CGGBP1: variants seen among roughly 807,000 people sequenced by gnomAD.
CGGBP1 encodes CGG triplet repeat-binding protein 1.
CGGBP1 carries 4 observed loss-of-function variants against 11.4 expected under a neutral mutation model. That is an observed-to-expected ratio of 0.35 (90% CI 0.17 to 0.80). CGGBP1 has a LOEUF of 0.80. Among genes scored for constraint, CGGBP1 ranks in the 30% least tolerant of loss-of-function variants. The pLI is 0.52. For missense variants in CGGBP1, 135 were observed against 202.1 expected, an observed-to-expected ratio of 0.67 and a Z score of 2.01; for synonymous variants, 76 against 74.1, an observed-to-expected ratio of 1.03 and a Z score of -0.13.
At chr3:88,100,228 A>C (rs974477367) in intron 2 of CGGBP1, among the ~76,000 whole-genome samples, 1 of 152,258 alleles carries the variant, frequency 6.6e-6, no homozygotes, top group Non-Finnish European at 1.5e-5. Context: ...AAAAATGCTC[A>C]TCATCACTGG....
intron 2 of CGGBP1, among the ~76,000 whole-genome samples, chr3:88,131,649 AATAGAGGCTCAGT>A (rs1332200352): frequency 6.6e-6 from 1 of 152,116 alleles, no homozygotes; most frequent in African/African-American, 2.4e-5. Flanking sequence ...ACCTTCTAAG[AATAGAGGCTCAGT>A]GTCTCCAGCT....
upstream of CGGBP1, among the ~76,000 whole-genome samples, chr3:88,062,618 AT>A (rs2107584251): frequency 6.6e-6 from 1 of 152,312 alleles, no homozygotes; most frequent in African/African-American, 2.4e-5. Context: ...TCATAAATTG[AT>A]TGTAAACTAA....
intron 2 of CGGBP1, chr3:88,140,516 T>A (rs1358278575): frequency 6.2e-7 from 1 of 1,613,766 alleles, no homozygotes; most frequent in Admixed American, 1.7e-5. Flanking sequence ...CTGATGACAC[T>A]GTTTCAAATA....
At chr3:88,148,206 A>G (rs1290373547) in intron 1 of CGGBP1, among the ~76,000 whole-genome samples, 5 of 152,156 alleles carry the variant, frequency 3.3e-5, no homozygotes, top group Non-Finnish European at 7.3e-5. Context: ...ATTTTTTTCC[A>G]TAGCATCTCC....
intron 2 of CGGBP1, among the ~76,000 whole-genome samples, chr3:88,127,637 G>T (rs1706198597): frequency 6.6e-6 from 1 of 152,114 alleles, no homozygotes; most frequent in Non-Finnish European, 1.5e-5. Context: ...CAGGGGAGAA[G>T]AAAGTTTGAG....
At chr3:88,056,065 TAAAAGGCAGTATATAAACACTTC>T (rs1706534891) in intron 3 of CGGBP1, 66 bp from the exon 4 acceptor site, 12 of 1,217,488 alleles carry the variant, frequency 9.9e-6, no homozygotes, top group Non-Finnish European at 1.1e-5. Flanking sequence ...TAATGAACAA[TAAAAGGCAGTATATAAACACTTC>T]AAATACTTCA....
chr3:88,129,352 A>T (rs1706311574), intron 2 of CGGBP1, among the ~76,000 whole-genome samples: 1 of 150,358 alleles, frequency 6.7e-6, no homozygotes, highest in Admixed American at 6.6e-5. Flanking sequence ...AAAACCCAAG[A>T]AGCATTATGA....
intron 2 of CGGBP1, among the ~76,000 whole-genome samples, chr3:88,064,102 GCTT>G (rs1039999524): frequency 6.6e-5 from 7 of 105,696 alleles, no homozygotes; most frequent in African/African-American, 1.9e-4. Flanking sequence ...TGAATAACGA[GCTT>G]CTTCTTTTTT....
At chr3:88,101,842 A>G (rs1466091184) in intron 2 of CGGBP1, among the ~76,000 whole-genome samples, 1 of 152,136 alleles carries the variant, frequency 6.6e-6, no homozygotes, top group African/African-American at 2.4e-5. Context: ...CTTTTTCATA[A>G]TAGCCATTTT....
At chr3:88,075,490 C>T (rs578253200) in intron 2 of CGGBP1, among the ~76,000 whole-genome samples, 211 of 152,294 alleles carry the variant, frequency 1.4e-3, no homozygotes, top group African/African-American at 4.9e-3. Context: ...AGTGGAACTA[C>T]TTTTGTTGTT....
chr3:88,129,883 T>C, intron 2 of CGGBP1: 1 of 1,317,946 alleles, frequency 7.6e-7, no homozygotes, highest in Non-Finnish European at 9.8e-7. Context: ...GAAAGGAAAT[T>C]GCAGTTTGAA....
At chr3:88,083,155 A>T (rs1458111131) in intron 2 of CGGBP1, among the ~76,000 whole-genome samples, 2 of 152,054 alleles carry the variant, frequency 1.3e-5, no homozygotes, top group Non-Finnish European at 2.9e-5. Flanking sequence ...TTACTTCCTC[A>T]AAGCCCTGTC....
chr3:88,142,887 G>A (rs1396756499), intron 1 of CGGBP1: 1 of 152,176 alleles, frequency 6.6e-6, no homozygotes, highest in Admixed American at 6.6e-5. Flanking sequence ...TTAATAAAGT[G>A]TTAAAACAAT....
At chr3:88,059,468 G>C (rs756062159), upstream of CGGBP1, 1 of 1,520,060 alleles carries the variant, frequency 6.6e-7, no homozygotes, top group South Asian at 1.2e-5. Context: ...GGCGGCGTCG[G>C]AATCAGCAGT....
At chr3:88,065,596 T>A (rs557782013) in intron 2 of CGGBP1, among the ~76,000 whole-genome samples, 1 of 152,296 alleles carries the variant, frequency 6.6e-6, no homozygotes, top group African/African-American at 2.4e-5. Context: ...GTGGTATGCT[T>A]ATGGCTGAAT....
chr3:88,094,270 G>A (rs1435078186), intron 2 of CGGBP1, among the ~76,000 whole-genome samples: 2 of 152,064 alleles, frequency 1.3e-5, no homozygotes, highest in Non-Finnish European at 2.9e-5. Context: ...ATTGGCCATC[G>A]TTAGAAACTT....
intron 2 of CGGBP1, among the ~76,000 whole-genome samples, chr3:88,077,436 C>T: frequency 6.6e-6 from 1 of 151,904 alleles, no homozygotes; most frequent in East Asian, 1.9e-4. Context: ...GGGTTCACTC[C>T]ACTCTCCTGC....
At chr3:88,092,266 TC>T (rs1703787172) in intron 2 of CGGBP1, among the ~76,000 whole-genome samples, 3 of 152,188 alleles carry the variant, frequency 2.0e-5, no homozygotes, top group Admixed American at 2.0e-4. Flanking sequence ...AATTATTTGG[TC>T]ATTTATTCTG....
At chr3:88,131,892 C>A (rs537557109) in intron 2 of CGGBP1, among the ~76,000 whole-genome samples, 114 of 152,150 alleles carry the variant, frequency 7.5e-4, no homozygotes, top group Middle Eastern at 3.4e-3. Context: ...CCTGGCCTAG[C>A]CTATGAGTCA....
Sources: gnomAD v4.1 joint callset for allele counts (sites outside exome capture counted in the v4.1 genomes callset) on GRCh38, gnomAD v4.1.1 for gene constraint, MANE v1.5 for transcripts, NCBI Gene and HGNC (gene_info 2026-07-23, HGNC 2026-07-21) for gene names.